Variants in TPO observed in about 807,000 individuals in gnomAD.
TPO encodes the protein thyroid peroxidase.
A neutral mutation model predicts 96.9 loss-of-function variants in TPO; 78 were observed. The observed-to-expected ratio is 0.81, with a 90% CI of 0.67 to 0.97. TPO has a LOEUF of 0.97. TPO is among the 50% of genes least tolerant of loss of function. The probability of loss-of-function intolerance (pLI) is 0.00; values close to 1 mark genes in which losing one functional copy is unlikely to be tolerated. For missense variants in TPO, 1,252 were observed against 1,274.8 expected (o/e 0.98, Z 0.27); for synonymous variants, 547 against 538.0 (o/e 1.02, Z -0.23).
intron 2 of TPO, among the ~76,000 whole-genome samples, chr2:1,418,148 G>A (rs1021676668): frequency 1.3e-5 from 2 of 152,156 alleles, no homozygotes; most frequent in South Asian, 2.1e-4. Flanking sequence ...TTAGCTGGGC[G>A]TGGTGGTGCC....
chr2:1,404,259 T>C (rs1391572127), intron 1 of TPO, among the ~76,000 whole-genome samples: 1 of 152,066 alleles, frequency 6.6e-6, no homozygotes, highest in Non-Finnish European at 1.5e-5. Flanking sequence ...AGGGAGGAAA[T>C]GTGTTCTCCT....
intron 7 of TPO, among the ~76,000 whole-genome samples, chr2:1,472,143 G>A (rs1316711529): frequency 6.6e-6 from 1 of 151,984 alleles, no homozygotes; most frequent in Non-Finnish European, 1.5e-5. Flanking sequence ...CTCATAGAGT[G>A]CTCTTCCTGT....
intron 1 of TPO, among the ~76,000 whole-genome samples, chr2:1,403,656 C>T (rs575057540): frequency 7.2e-5 from 11 of 152,290 alleles, no homozygotes; most frequent in Non-Finnish European, 1.5e-4. Flanking sequence ...AACTTCAGGA[C>T]GCTTCTCTGT....
chr2:1,537,506 C>CCCCACTGTGTGCCACCTCCCCAAAT, intron 15 of TPO, among the ~76,000 whole-genome samples: 1 of 32,858 alleles, frequency 3.0e-5, no homozygotes, highest in Non-Finnish European at 7.0e-5. Flanking sequence ...CCCCAAATCC[C>CCCCACTGTGTGCCACCTCCCCAAAT]CCCAACTCTG....
At chr2:1,465,987 G>A (rs1437314880) in intron 7 of TPO, among the ~76,000 whole-genome samples, 2 of 152,184 alleles carry the variant, frequency 1.3e-5, no homozygotes, top group African/African-American at 4.8e-5. Flanking sequence ...CAGAGGGAAT[G>A]CTTTCAACTT....
chr2:1,468,953 T>A (rs1669140190), intron 7 of TPO, among the ~76,000 whole-genome samples: 1 of 152,232 alleles, frequency 6.6e-6, no homozygotes, highest in Admixed American at 6.5e-5. Flanking sequence ...CTGAAGACCT[T>A]GTCTTTGAGC....
chr2:1,528,346 C>T (rs1321555926), intron 15 of TPO, among the ~76,000 whole-genome samples: 1 of 140,718 alleles, frequency 7.1e-6, no homozygotes, highest in Non-Finnish European at 1.5e-5. Context: ...TCTGCAACCC[C>T]CCAAGTCCCC....
At chr2:1,406,163 T>C (rs377416628) in intron 1 of TPO, among the ~76,000 whole-genome samples, 13 of 152,346 alleles carry the variant, frequency 8.5e-5, no homozygotes, top group African/African-American at 3.1e-4. Context: ...TGTTTAGTGA[T>C]ATTCACATCC....
rs1315075118 is a variant in TPO at position 1,540,675 on chromosome 2, G to C, written c.2700G>C (p.Gln900His). The change falls in exon 16 of 17, where the codon CAG becomes CAC. Residue 900 changes from glutamine (Q) to histidine (H), a missense_variant. Physicochemically the swap from Gln to His is conservative, Grantham distance 24. Coordinates refer to ENST00000329066, the MANE Select transcript of TPO (RefSeq NM_001206744.2). ...CCGAGCTGAGATGCGGAAAGCACCA[G>C]GCCGTAGGGACCTCACCGCAGCGGG... ...GTPELRCGKH[Q>H]AVGTSPQRAA... is the part of the protein sequence containing the mutation. The C allele has an allele frequency of 6.2e-7, 1 of 1,613,410 alleles. No individual in the cohort carries two copies. The highest frequency in any genetic ancestry group is 1.7e-5 in the Admixed American group (1 of 60,034).
chr2:1,496,532 C>T (rs1672367951), intron 12 of TPO, 63 bp from the exon 13 acceptor site: 10 of 1,606,784 alleles, frequency 6.2e-6, no homozygotes, highest in Admixed American at 5.0e-5. Context: ...GTGACAGGGA[C>T]GTTGGTGTGT....
At chr2:1,415,747 A>G (rs1360133670) in intron 2 of TPO, among the ~76,000 whole-genome samples, 1 of 152,174 alleles carries the variant, frequency 6.6e-6, no homozygotes, top group Non-Finnish European at 1.5e-5. Flanking sequence ...AGCCTTTCCC[A>G]GGACTGGAGG....
chr2:1,476,054 G>A (rs1433177202), intron 7 of TPO, among the ~76,000 whole-genome samples: 7 of 152,226 alleles, frequency 4.6e-5, no homozygotes, highest in African/African-American at 1.2e-4. Context: ...CTGGCTCGCT[G>A]GCCGCATTTC....
chr2:1,484,954 C>T lies in TPO; in HGVS notation c.1597+100C>T, dbSNP rs555812008. 187 of 1,541,278 alleles carry T rather than the reference C, an allele frequency of 1.2e-4. No individual in the cohort carries two copies. In the East Asian group the frequency reaches 2.5e-3, roughly 21 times the overall value. ...TAAGTTCTAGGGTACATGTGCACAACGTGCAGGTTTGTTACGTAGGGTATA... is the reference window on the plus strand; with the variant it reads ...TAAGTTCTAGGGTACATGTGCACAATGTGCAGGTTTGTTACGTAGGGTATA... On this transcript the variant is annotated intron_variant, in intron 9 of 16. Coordinates refer to ENST00000329066, the MANE Select transcript of TPO (RefSeq NM_001206744.2).
chr2:1,538,131 CAACCTTCTCAAATA>C (rs1442286295), intron 15 of TPO, among the ~76,000 whole-genome samples: 14 of 111,270 alleles, frequency 1.3e-4, no homozygotes, highest in African/African-American at 4.7e-4. Context: ...GCACTGTGTT[CAACCTTCTCAAATA>C]CCCCATACTG....
intron 4 of TPO, among the ~76,000 whole-genome samples, chr2:1,434,594 T>C (rs1439397719): frequency 6.6e-6 from 1 of 152,212 alleles, no homozygotes; most frequent in African/African-American, 2.4e-5. Flanking sequence ...CCTATGGAAA[T>C]GGCAGTTCCT....
At chr2:1,416,333 T>C (rs1351772948) in intron 2 of TPO, among the ~76,000 whole-genome samples, 1 of 152,208 alleles carries the variant, frequency 6.6e-6, no homozygotes, top group African/African-American at 2.4e-5. Context: ...TCATATTTAG[T>C]AGGACCTGGT....
chr2:1,458,497 G>A (rs187939430), intron 7 of TPO, among the ~76,000 whole-genome samples: 171 of 151,912 alleles, frequency 1.1e-3, no homozygotes, highest in Non-Finnish European at 2.0e-3. Flanking sequence ...TAGCATATAA[G>A]ACAGTTTGTG....
chr2:1,420,471 C>A (rs1573101661), intron 2 of TPO, among the ~76,000 whole-genome samples: 1 of 151,822 alleles, frequency 6.6e-6, no homozygotes, highest in African/African-American at 2.4e-5. Context: ...TTTTCTGGTA[C>A]CTAAAGATCA....
At chr2:1,460,256 T>G (rs1030408481) in intron 7 of TPO, among the ~76,000 whole-genome samples, 1 of 152,122 alleles carries the variant, frequency 6.6e-6, no homozygotes, top group Non-Finnish European at 1.5e-5. Context: ...TCTTCACCAC[T>G]CAGGACCCCA....
Sources: gnomAD v4.1 joint callset for allele counts (sites outside exome capture counted in the v4.1 genomes callset) on GRCh38, gnomAD v4.1.1 for gene constraint, MANE v1.5 for transcripts, NCBI Gene and HGNC (gene_info 2026-07-23, HGNC 2026-07-21) for gene names.